PATJ: variants seen among roughly 807,000 people sequenced by gnomAD.
PATJ encodes PATJ crumbs cell polarity complex component.
In PATJ, 190 loss-of-function variants were observed where a neutral mutation model predicts 224.9. The ratio of observed to expected loss-of-function variants is 0.84; its 90% CI spans 0.75 to 0.95. PATJ has a LOEUF of 0.95. PATJ is among the 40% of genes least tolerant of loss of function. The pLI, the probability that PATJ is intolerant of heterozygous loss-of-function variation, is 0.00. For missense variants in PATJ, 2,121 were observed against 2,270.3 expected (o/e 0.93, Z 1.34); for synonymous variants, 769 against 820.3 (o/e 0.94, Z 1.07).
At chr1:62,136,376 G>T (rs1249509842) in intron 41 of PATJ, among the ~76,000 whole-genome samples, 1 of 151,696 alleles carries the variant, frequency 6.6e-6, no homozygotes, top group East Asian at 1.9e-4. Context: ...AATATATTCT[G>T]GTGTCACTAA....
At chr1:61,919,333 A>G (rs1673937095) in intron 26 of PATJ, among the ~76,000 whole-genome samples, 1 of 149,440 alleles carries the variant, frequency 6.7e-6, no homozygotes. Flanking sequence ...TTTTTTGGAG[A>G]CACAGCCCTT....
intron 30 of PATJ, among the ~76,000 whole-genome samples, chr1:62,044,308 T>G (rs1329465508): frequency 6.6e-6 from 1 of 152,232 alleles, no homozygotes; most frequent in Non-Finnish European, 1.5e-5. Flanking sequence ...ACTCTCTGCT[T>G]CTATGAGTTC....
intron 32 of PATJ, among the ~76,000 whole-genome samples, chr1:62,082,082 G>A (rs561680850): frequency 2.6e-5 from 4 of 152,156 alleles, no homozygotes; most frequent in South Asian, 4.1e-4. Flanking sequence ...TAAAGAAGTC[G>A]ATAGTAAATA....
At chr1:61,806,130 G>A (rs1361684053) in intron 13 of PATJ, among the ~76,000 whole-genome samples, 1 of 152,140 alleles carries the variant, frequency 6.6e-6, no homozygotes, top group Non-Finnish European at 1.5e-5. Context: ...GAAGGCAGAC[G>A]GTTGTGCTTA....
intron 27 of PATJ, among the ~76,000 whole-genome samples, chr1:61,958,479 A>G (rs1198859483): frequency 6.6e-6 from 1 of 152,194 alleles, no homozygotes; most frequent in Non-Finnish European, 1.5e-5. Context: ...TATTTGCAAA[A>G]TATCTATACA....
In PATJ at chr1:61,791,547, A is replaced by G. The variant is rs1400278365; in HGVS notation, c.1168+100A>G. 12 of 724,926 alleles carry G rather than the reference A, an allele frequency of 1.7e-5. No homozygotes were observed. In the Admixed American group the frequency reaches 3.1e-4, roughly 19 times the overall value. 44.9% of individuals were successfully genotyped at this position (724,926 alleles called of 1,614,324 possible). A position where few individuals can be genotyped will look rare whatever the true frequency, so the allele number is the denominator to read the frequency against. On this transcript the variant is annotated intron_variant, in intron 9 of 43. Transcript: ENST00000642238. ...CTTGCAGATTTTAATTTAAATCTTG[A>G]ACAATAAAACCATGAGTCTATACTA... is the stretch of plus-strand genomic sequence containing the variant.
chr1:62,064,997 C>G (rs888977873), intron 31 of PATJ, among the ~76,000 whole-genome samples: 1 of 152,210 alleles, frequency 6.6e-6, no homozygotes, highest in Non-Finnish European at 1.5e-5. Flanking sequence ...ATGCAAATTG[C>G]CAATGGCAGA....
Position 61,894,877 on chromosome 1 carries a change from G to T in PATJ, c.3132-4706G>T, listed in dbSNP as rs1371387810. ...GTTTGGAACTTCCTAGAGACTTGTT[G>T]AATACTTTTGACCAAATGCTGATAG... On this transcript the variant is annotated intron_variant, in intron 22 of 43. Coordinates refer to ENST00000642238, the MANE Select transcript of PATJ (RefSeq NM_001350145.3). Among the ~76,000 whole-genome samples, 3 of 152,204 alleles carry T rather than the reference G, an allele frequency of 2.0e-5. No homozygotes were observed. In the East Asian group the frequency reaches 5.8e-4, roughly 29 times the overall value.
intron 20 of PATJ, among the ~76,000 whole-genome samples, chr1:61,871,431 ATATGTG>A: frequency 1.7e-5 from 2 of 114,788 alleles, no homozygotes; most frequent in East Asian, 1.0e-3. Context: ...ATGTACATAT[ATATGTG>A]TATATACACA....
intron 29 of PATJ, among the ~76,000 whole-genome samples, chr1:62,030,153 A>G (rs1648936433): frequency 6.6e-6 from 1 of 152,218 alleles, no homozygotes; most frequent in Admixed American, 6.5e-5. Flanking sequence ...TTTAGATTAA[A>G]CCATTAGACT....
At chr1:61,821,072 G>T (rs538192672) in intron 14 of PATJ, among the ~76,000 whole-genome samples, 1 of 149,668 alleles carries the variant, frequency 6.7e-6, no homozygotes, top group Non-Finnish European at 1.5e-5. Flanking sequence ...GCTGAGTCTC[G>T]CTCTGTCGCC....
At chr1:61,935,721 G>C (rs1424024158) in intron 27 of PATJ, among the ~76,000 whole-genome samples, 1 of 151,894 alleles carries the variant, frequency 6.6e-6, no homozygotes, top group Non-Finnish European at 1.5e-5. Context: ...AACCTGGGAG[G>C]TCAAGGTTAC....
At chr1:61,872,165 A>C (rs1666733869) in intron 20 of PATJ, among the ~76,000 whole-genome samples, 2 of 152,134 alleles carry the variant, frequency 1.3e-5, no homozygotes, top group Non-Finnish European at 1.5e-5. Flanking sequence ...TCTTCTTTTT[A>C]ACTGCTCAGT....
chr1:61,832,634 T>C (rs1262232975), intron 16 of PATJ, among the ~76,000 whole-genome samples: 1 of 152,190 alleles, frequency 6.6e-6, no homozygotes, highest in Non-Finnish European at 1.5e-5. Context: ...GTGCCTACTA[T>C]GAGCCAGGCA....
chr1:62,011,161 C>T (rs2148327288), intron 28 of PATJ, among the ~76,000 whole-genome samples: 1 of 152,336 alleles, frequency 6.6e-6, no homozygotes. Flanking sequence ...CCTGTGTTCG[C>T]TGGAGTGGCA....
At chr1:62,139,437 C>T (rs1290209350) in intron 41 of PATJ, among the ~76,000 whole-genome samples, 1 of 144,862 alleles carries the variant, frequency 6.9e-6, no homozygotes, top group East Asian at 2.2e-4. Flanking sequence ...GAGCAAACTT[C>T]TCATTAGACT....
chr1:62,050,740 G>A (rs1558095564), intron 30 of PATJ, among the ~76,000 whole-genome samples: 1 of 152,154 alleles, frequency 6.6e-6, no homozygotes, highest in Admixed American at 6.5e-5. Context: ...AGAGGGTGGG[G>A]ACCAGCTTTC....
intron 22 of PATJ, among the ~76,000 whole-genome samples, chr1:61,897,948 T>A (rs1670610545): frequency 6.6e-6 from 1 of 152,232 alleles, no homozygotes; most frequent in Admixed American, 6.5e-5. Flanking sequence ...ATGATCCTAA[T>A]TTCTTAACTG....
intron 16 of PATJ, among the ~76,000 whole-genome samples, chr1:61,830,149 A>G: frequency 6.6e-6 from 1 of 152,222 alleles, no homozygotes; most frequent in Non-Finnish European, 1.5e-5. Context: ...TAGATCTGAT[A>G]AACAACTTCA....
Sources: gnomAD v4.1 joint callset for allele counts (sites outside exome capture counted in the v4.1 genomes callset) on GRCh38, gnomAD v4.1.1 for gene constraint, MANE v1.5 for transcripts, NCBI Gene and HGNC (gene_info 2026-07-23, HGNC 2026-07-21) for gene names.